The following PKD2L1 variants were observed in gnomAD, a reference collection of about 807,000 sequenced individuals.
The protein encoded by PKD2L1 is polycystin-2-like protein 1.
Under a neutral mutation model 93.0 loss-of-function variants are expected in PKD2L1, and 77 were observed. The ratio of observed to expected loss-of-function variants is 0.83; its 90% CI spans 0.69 to 1.00. The LOEUF is 1.00. Ranked by LOEUF, PKD2L1 falls within the 50% of genes least tolerant of loss-of-function variation. The pLI is 0.00. For synonymous variants in PKD2L1, 390 were observed against 388.0 expected (o/e 1.01, Z -0.06); for missense variants, 977 against 990.9 (o/e 0.99, Z 0.19).
At chr10:100,327,014 C>T (rs1849394436) in intron 2 of PKD2L1, among the ~76,000 whole-genome samples, 1 of 152,164 alleles carries the variant, frequency 6.6e-6, no homozygotes, top group Admixed American at 6.5e-5. Flanking sequence ...CAGAGAGTAA[C>T]AGGAACACCT....
At chr10:100,289,146 C>T in intron 14 of PKD2L1, 90 bp from the exon 15 acceptor site, 1 of 836,470 alleles carries the variant, frequency 1.2e-6, no homozygotes. Flanking sequence ...AGAACTCAGA[C>T]TGCTATAGAC....
rs374919630 is a variant in PKD2L1, at chr10:100,288,492, C to T, written c.2336-14G>A. On this transcript the variant is annotated splice_polypyrimidine_tract_variant and intron_variant, in intron 15 of 15. Transcript: ENST00000318222. ...TATAGGGAACCTCTGTGGGGGAAAA[C>T]GAGAAACCCATGGGTGCTAGCAACA... 86 of 1,527,482 alleles carry T rather than the reference C, an allele frequency of 5.6e-5. No homozygotes were observed. The highest frequency in any genetic ancestry group is 4.1e-4 in the African/African-American group (30 of 73,132). 94.6% of individuals were successfully genotyped at this position (1,527,482 alleles called of 1,614,324 possible).
rs1407402330 is a variant in PKD2L1 at position 100,306,058 on chromosome 10, A to C, written c.350-6340T>G. 2.6e-5 allele frequency among the ~76,000 whole-genome samples: 4 copies of C among 152,108 alleles called. No individual in the cohort carries two copies. In the East Asian group the frequency reaches 7.7e-4, roughly 29 times the overall value. On this transcript the variant is annotated intron_variant, in intron 2 of 15. Coordinates refer to ENST00000318222, the MANE Select transcript of PKD2L1 (RefSeq NM_016112.3). ...AAATTAGCCGGGCATGGTGGTGTGC[A>C]CCTGGGGTCCCAGCTACTCGGTGAG...
chr10:100,329,487 T>C (rs1008906328), intron 1 of PKD2L1, 163 bp from the exon 2 acceptor site: 2 of 944,924 alleles, frequency 2.1e-6, no homozygotes, highest in Non-Finnish European at 3.1e-6. Flanking sequence ...CACCCATGCT[T>C]GCTCTTCCCA....
At chr10:100,318,435 A>T (rs1849149718) in intron 2 of PKD2L1, among the ~76,000 whole-genome samples, 1 of 152,002 alleles carries the variant, frequency 6.6e-6, no homozygotes, top group Non-Finnish European at 1.5e-5. Context: ...TACGAGTTAT[A>T]TGCTCTTTTG....
chr10:100,312,413 CTGA>C (rs775838381), intron 2 of PKD2L1, among the ~76,000 whole-genome samples: 2 of 152,180 alleles, frequency 1.3e-5, no homozygotes, highest in Admixed American at 6.5e-5. Flanking sequence ...AACAAACAGA[CTGA>C]TGATGATTAT....
intron 2 of PKD2L1, 57 bp downstream of exon 2, chr10:100,329,154 A>G (rs2133577980): frequency 1.3e-6 from 2 of 1,534,200 alleles, no homozygotes; most frequent in African/African-American, 1.4e-5. Context: ...TTATACATAT[A>G]GTGCACACAT....
intron 10 of PKD2L1, 65 bp from the exon 11 acceptor site, chr10:100,293,134 C>T (rs1848443860): frequency 6.3e-7 from 1 of 1,594,132 alleles, no homozygotes; most frequent in Non-Finnish European, 8.6e-7. Context: ...GCCCCCAGCC[C>T]CACCCATAGT....
intron 2 of PKD2L1, among the ~76,000 whole-genome samples, chr10:100,321,802 GGGA>G (rs1849256087): frequency 1.0e-4 from 1 of 9,562 alleles, no homozygotes; most frequent in African/African-American, 4.7e-4. Flanking sequence ...GAGGGAGGGA[GGGA>G]GGGAGGAAGG....
intron 6 of PKD2L1, 40 bp downstream of exon 6, chr10:100,296,940 C>T (rs763802136): frequency 1.4e-6 from 2 of 1,386,790 alleles, no homozygotes; most frequent in South Asian, 1.2e-5. Flanking sequence ...ACTCCCTCCT[C>T]ACCCCAGAAT....
rs1272848392 is a variant in PKD2L1 at position 100,329,333 on chromosome 10, C to A, written c.236-9G>T. 1 of 1,614,128 alleles carries A rather than the reference C, an allele frequency of 6.2e-7. No homozygotes were observed. Among genetic ancestry groups the A allele is most frequent in the Non-Finnish European group, 8.5e-7 (1 of 1,180,006 alleles). On this transcript the variant is annotated splice_polypyrimidine_tract_variant and intron_variant, in intron 1 of 15. Transcript: ENST00000318222. ...GGTTGTTCCCCAAAGTCCTAAGGGG[C>A]ATGGGAGAGATGCCTGGGATGCTCA...
chr10:100,309,736 ATCT>A (rs1436788629), intron 2 of PKD2L1, among the ~76,000 whole-genome samples: 18 of 152,304 alleles, frequency 1.2e-4, no homozygotes, highest in African/African-American at 4.1e-4. Context: ...ACCTTTGGTG[ATCT>A]TCTCTTTTCT....
Position 100,293,366 on chromosome 10 carries a change from G to T in PKD2L1, c.1673C>A (p.Ala558Asp), listed in dbSNP as rs140668643. Residue 558 changes from alanine to aspartate, a missense_variant, in exon 10 of 16, where the codon GCC becomes GAC. Coordinates refer to ENST00000318222, the MANE Select transcript of PKD2L1 (RefSeq NM_016112.3). Reference protein sequence around the residue: ...VFFVLLNMFLAIINDTYSEVK... With the variant: ...VFFVLLNMFLDIINDTYSEVK... ...CTCTGAATATGTGTCATTGATGATG[G>T]CCAGGAACATGTTCTGGAAAATGAA... 7.5e-5 allele frequency: 121 copies of T among 1,610,906 alleles called. No homozygotes were observed. Among genetic ancestry groups the T allele is most frequent in the Admixed American group, 2.0e-4 (12 of 59,998 alleles).
intron 2 of PKD2L1, among the ~76,000 whole-genome samples, chr10:100,328,543 G>C (rs1849428227): frequency 6.6e-6 from 1 of 151,406 alleles, no homozygotes; most frequent in Non-Finnish European, 1.5e-5. Flanking sequence ...ATAACTACGT[G>C]AAGCCCACCA....
At chr10:100,325,480 C>G (rs1471354959) in intron 2 of PKD2L1, among the ~76,000 whole-genome samples, 1 of 152,148 alleles carries the variant, frequency 6.6e-6, no homozygotes, top group South Asian at 2.1e-4. Context: ...TTAGTATTAT[C>G]TTACTAGATG....
In PKD2L1 at chr10:100,298,586, G is replaced by A; in HGVS notation, c.707C>T (p.Pro236Leu). Residue 236 changes from proline to leucine, a missense_variant, in exon 4 of 16, where the codon CCC (proline) becomes CTC (leucine). Coordinates refer to ENST00000318222, the MANE Select transcript of PKD2L1 (RefSeq NM_016112.3). ...VYSPDKEEQL[P>L]FGPFNGTAWT... is the part of the protein sequence containing the mutation. The stretch of plus-strand genomic sequence containing the variant: ...CGCTGTGCCATTGAAGGGCCCAAAG[G>A]GGAGTTGTTCTTCTTTGTCTGGAGA... The A allele has an allele frequency of 6.2e-7, 1 of 1,614,102 alleles. No homozygotes were observed. The highest frequency in any genetic ancestry group is 8.5e-7 in the Non-Finnish European group (1 of 1,180,012).
rs1223369782 is a variant in PKD2L1, at chr10:100,297,416, A to G, written c.922T>C (p.Tyr308His). 7.4e-6 allele frequency: 12 copies of G among 1,614,122 alleles called. No homozygotes were observed. In the South Asian group the frequency reaches 1.3e-4, roughly 18 times the overall value. The change falls in exon 5 of 16, where the codon TAC becomes CAC. Residue 308 changes from tyrosine to histidine, a missense_variant. Tyr to His is a moderately conservative substitution (Grantham distance 83). Transcript: ENST00000318222. ...TRVVFIDFSV[Y>H]NANINLFCVL... ...CAGAAAAGATTGATATTGGCATTGT[A>G]GACTGAGAAGTCGATGAACACCACT... is the stretch of plus-strand genomic sequence containing the variant.
chr10:100,295,428 TAAAAAA>T (rs751427378), intron 7 of PKD2L1, among the ~76,000 whole-genome samples: 1 of 71,226 alleles, frequency 1.4e-5, no homozygotes, highest in Admixed American at 1.7e-4. Context: ...CTGGGACCAT[TAAAAAA>T]AAAAAAAAAA....
intron 2 of PKD2L1, among the ~76,000 whole-genome samples, chr10:100,302,325 T>G (rs1250176115): frequency 6.6e-6 from 1 of 151,988 alleles, no homozygotes; most frequent in African/African-American, 2.4e-5. Flanking sequence ...TTCTTCCCTA[T>G]GGGTTATAAT....
Sources: gnomAD v4.1 joint callset for allele counts (sites outside exome capture counted in the v4.1 genomes callset) on GRCh38, gnomAD v4.1.1 for gene constraint, MANE v1.5 for transcripts, NCBI Gene and HGNC (gene_info 2026-07-23, HGNC 2026-07-21) for gene names.